The following ULK4 variants were observed in gnomAD, a reference collection of about 807,000 sequenced individuals.
ULK4 encodes the protein inactive serine/threonine-protein kinase ULK4.
ULK4 carries 133 observed loss-of-function variants against 160.6 expected under a neutral mutation model. The ratio of observed to expected loss-of-function variants is 0.83; its 90% CI spans 0.72 to 0.96. The LOEUF is 0.96. ULK4 is among the 40% of genes least tolerant of loss of function. The pLI, the probability that ULK4 is intolerant of heterozygous loss-of-function variation, is 0.00. For missense variants in ULK4, 1,580 were observed against 1,499.5 expected, an observed-to-expected ratio of 1.05 and a Z score of -0.89; for synonymous variants, 534 against 539.8, an observed-to-expected ratio of 0.99 and a Z score of 0.15.
intron 18 of ULK4, among the ~76,000 whole-genome samples, chr3:41,830,519 T>G (rs1210255410): frequency 6.6e-6 from 1 of 152,034 alleles, no homozygotes; most frequent in Admixed American, 6.6e-5. Flanking sequence ...TAGTGATGGT[T>G]TCATAGGTGT....
chr3:41,663,981 A>G (rs2035271204), intron 29 of ULK4, among the ~76,000 whole-genome samples: 1 of 152,210 alleles, frequency 6.6e-6, no homozygotes, highest in Non-Finnish European at 1.5e-5. Context: ...GAAATAATAT[A>G]CCATAAGGTA....
At chr3:41,949,811 A>T (rs536221235) in intron 2 of ULK4, among the ~76,000 whole-genome samples, 1 of 150,060 alleles carries the variant, frequency 6.7e-6, no homozygotes, top group Non-Finnish European at 1.5e-5. Context: ...ATCGCGGCTC[A>T]CTGCAACCTC....
chr3:41,747,795 A>G (rs2038468012), intron 22 of ULK4, among the ~76,000 whole-genome samples: 2 of 152,108 alleles, frequency 1.3e-5, no homozygotes, highest in South Asian at 2.1e-4. Flanking sequence ...CCTCTATGTA[A>G]GCCAAGAAGA....
At chr3:41,574,825 C>T (rs964590658) in intron 31 of ULK4, among the ~76,000 whole-genome samples, 10 of 152,122 alleles carry the variant, frequency 6.6e-5, no homozygotes, top group Non-Finnish European at 1.2e-4. Context: ...GGATTACAGG[C>T]GTGAGCCACT....
At chr3:41,507,435 T>A (rs933390903) in intron 32 of ULK4, among the ~76,000 whole-genome samples, 4 of 151,854 alleles carry the variant, frequency 2.6e-5, no homozygotes, top group African/African-American at 9.7e-5. Context: ...AAATTCTTTA[T>A]TTCATGTGAC....
chr3:41,506,069 C>CA (rs767430114), intron 32 of ULK4, among the ~76,000 whole-genome samples: 46 of 150,438 alleles, frequency 3.1e-4, no homozygotes, highest in African/African-American at 1.0e-3. Context: ...GTGTATATAG[C>CA]AAAAAAAACG....
chr3:41,558,989 TA>T (rs1271864048), intron 32 of ULK4, among the ~76,000 whole-genome samples: 1 of 131,450 alleles, frequency 7.6e-6, no homozygotes, highest in African/African-American at 2.5e-5. Context: ...ACTCATCATT[TA>T]ACATTAGGTG....
chr3:41,946,039 G>A (rs1700103219), intron 2 of ULK4, among the ~76,000 whole-genome samples: 1 of 151,932 alleles, frequency 6.6e-6, no homozygotes, highest in Admixed American at 6.6e-5. Context: ...AGACGGGCAG[G>A]GGGCGGGAAG....
chr3:41,302,308 T>C (rs150469299), intron 35 of ULK4, among the ~76,000 whole-genome samples: 2 of 152,320 alleles, frequency 1.3e-5, no homozygotes, highest in Non-Finnish European at 2.9e-5. Context: ...TTCCTTAACT[T>C]ATTATTAAGT....
chr3:41,505,661 G>A (rs2085350016), intron 32 of ULK4, among the ~76,000 whole-genome samples: 1 of 151,694 alleles, frequency 6.6e-6, no homozygotes, highest in African/African-American at 2.4e-5. Flanking sequence ...TTTTTATATT[G>A]ACCTTGTGCT....
chr3:41,770,544 C>G (rs1187122369), intron 21 of ULK4, among the ~76,000 whole-genome samples: 1 of 144,220 alleles, frequency 6.9e-6, no homozygotes, highest in Admixed American at 7.0e-5. Flanking sequence ...GAGTATTACT[C>G]TGTTGCCCAG....
chr3:41,430,799 GTAAATATCCACACTAT>G lies in ULK4; in HGVS notation c.3492+24682_3492+24697del, dbSNP rs1312213674. 2.0e-4 allele frequency among the ~76,000 whole-genome samples: 31 copies of G among 151,602 alleles called. 1 individual carries two copies. Among genetic ancestry groups the G allele is most frequent in the Non-Finnish European group, 4.3e-4 (29 of 67,938 alleles). Reference sequence around the variant, plus strand: ...CACATTTACTGTATCACAGTTATGGGTAAATATCCACACTATTAAATATCCACATTATTAAATATCC... The same window carrying G: ...CACATTTACTGTATCACAGTTATGGGTAAATATCCACATTATTAAATATCC... On this transcript the variant is annotated intron_variant, in intron 34 of 36. Transcript: ENST00000301831.
At chr3:41,916,449 C>T (rs1159498936) in intron 7 of ULK4, among the ~76,000 whole-genome samples, 1 of 151,990 alleles carries the variant, frequency 6.6e-6, no homozygotes, top group Non-Finnish European at 1.5e-5. Context: ...AGTGCAGTGG[C>T]ACCATCATGG....
rs1156589510 is a variant in ULK4, at chr3:41,919,763, G to A, written c.597C>T (p.Ser199=). The part of the protein sequence containing the change: ...EVVRGADFSI[S]SDLWSLGCLL... ...GACAGCCCAAAGACCAGAGGTCACT[G>A]GAGATGGAAAAGTCAGCACCCCTCA... is the stretch of plus-strand genomic sequence containing the variant. Residue 199 remains serine (S), a synonymous_variant, in exon 6 of 37, where the codon TCC becomes TCT. Coordinates refer to ENST00000301831, the MANE Select transcript of ULK4 (RefSeq NM_017886.4). 1.2e-6 allele frequency: 2 copies of A among 1,613,964 alleles called. No individual in the cohort carries two copies. Among genetic ancestry groups the A allele is most frequent in the Non-Finnish European group, 1.7e-6 (2 of 1,180,010 alleles).
chr3:41,687,964 T>A (rs1478578109), intron 27 of ULK4: 1 of 152,206 alleles, frequency 6.6e-6, no homozygotes, highest in Non-Finnish European at 1.5e-5. Context: ...CGAAGCTAAG[T>A]TGAAGGGAGG....
intron 18 of ULK4, among the ~76,000 whole-genome samples, chr3:41,824,884 C>A (rs941500508): frequency 2.0e-5 from 3 of 152,234 alleles, no homozygotes; most frequent in Non-Finnish European, 2.9e-5. Context: ...GGGTCCCTGA[C>A]CCCCGAATAG....
rs117754898 is a variant in ULK4 at position 41,485,795 on chromosome 3, A to G, written c.3227-22542T>C. ...AATTGACGTGCAGCTTTTACATATC[A>G]AATCTCTAAAAAATTTGAAGTCACA... On this transcript the variant is annotated intron_variant, in intron 32 of 36. Transcript: ENST00000301831. 3.4e-3 allele frequency among the ~76,000 whole-genome samples: 514 copies of G among 152,346 alleles called. 9 individuals carry two copies. In the East Asian group the frequency reaches 0.057, roughly 17 times the overall value.
intron 32 of ULK4, among the ~76,000 whole-genome samples, chr3:41,471,025 G>A (rs1203509276): frequency 2.0e-5 from 3 of 151,622 alleles, no homozygotes; most frequent in Non-Finnish European, 4.4e-5. Context: ...AAGACATAGA[G>A]TAATTGAATG....
At position 41,398,142 on chromosome 3, in the gene ULK4, A is replaced by G. The variant is rs1188730667; in HGVS notation, c.3615T>C (p.His1205=). 1.2e-6 allele frequency: 2 copies of G among 1,613,440 alleles called. No homozygotes were observed. The highest frequency in any genetic ancestry group is 1.7e-6 in the Non-Finnish European group (2 of 1,179,674). ...TTGGGTCCTCCTTGGATGTCAGTAA[A>G]TGAGCAAAAATTTCCACATTTTCAG... ...LSPENVEIFA[H]LLTSKEDPKE... The change falls in exon 35 of 37, where the codon CAT becomes CAC. Residue 1205 remains histidine, a synonymous_variant. Transcript: ENST00000301831.
Sources: allele counts gnomAD v4.1 joint callset (sites outside exome capture counted in the v4.1 genomes callset), GRCh38; gene constraint gnomAD v4.1.1; transcripts MANE v1.5; gene names NCBI Gene and HGNC (gene_info 2026-07-23, HGNC 2026-07-21).